Variants in LMO2 observed in about 807,000 individuals in gnomAD.
The protein encoded by LMO2 is rhombotin-2.
LMO2 carries 20 observed loss-of-function variants against 23.2 expected under a neutral mutation model. The ratio of observed to expected loss-of-function variants is 0.86; its 90% CI spans 0.61 to 1.25. The LOEUF (loss-of-function observed/expected upper bound fraction) is 1.25, where lower values mean the gene tolerates loss of function less well. Ranked by LOEUF, LMO2 falls within the 50% of genes most tolerant of loss-of-function variation. LMO2 has a pLI of 0.00. For missense variants in LMO2, 270 were observed against 315.3 expected (o/e 0.86, Z 1.09); for synonymous variants, 123 against 130.2 (o/e 0.94, Z 0.38).
In LMO2 at chr11:33,874,869, T is replaced by A. The variant is rs112533115; in HGVS notation, c.-271-4882A>T. 8.4e-3 allele frequency among the ~76,000 whole-genome samples: 1,287 copies of A among 152,346 alleles called. 20 individuals carry two copies. The highest frequency in any genetic ancestry group is 0.029 in the African/African-American group (1,222 of 41,572). Reference sequence around the variant, plus strand: ...CCAACAACTTTCAAACCACCATTTATAATTTAAAAAAGAAGCCAAACAAAG... The same window carrying A: ...CCAACAACTTTCAAACCACCATTTAAAATTTAAAAAAGAAGCCAAACAAAG... On this transcript the variant is annotated intron_variant, in intron 2 of 5. Transcript: ENST00000257818.
intron 3 of LMO2, 58 bp downstream of exon 3, chr11:33,869,652 C>A: frequency 7.9e-7 from 1 of 1,259,158 alleles, no homozygotes; most frequent in Non-Finnish European, 1.0e-6. Context: ...AGGCGGGGGC[C>A]GGGGCGCGCA....
chr11:33,875,946 C>T (rs1263890663), intron 2 of LMO2, among the ~76,000 whole-genome samples: 1 of 152,208 alleles, frequency 6.6e-6, no homozygotes, highest in Non-Finnish European at 1.5e-5. Flanking sequence ...ATTATCTGGC[C>T]TCTGCTGCCC....
chr11:33,884,411 A>AG (rs1857357785), intron 1 of LMO2, among the ~76,000 whole-genome samples: 1 of 151,534 alleles, frequency 6.6e-6, no homozygotes, highest in East Asian at 1.9e-4. Context: ...GTGGGTGGTG[A>AG]GGGGTGGGGT....
intron 2 of LMO2, among the ~76,000 whole-genome samples, chr11:33,876,911 T>C (rs1367799142): frequency 6.6e-6 from 1 of 152,218 alleles, no homozygotes; most frequent in African/African-American, 2.4e-5. Flanking sequence ...AATGAAATCA[T>C]GCATGCCAAA....
intron 2 of LMO2, among the ~76,000 whole-genome samples, chr11:33,879,261 G>A (rs1488574543): frequency 6.6e-6 from 1 of 152,102 alleles, no homozygotes; most frequent in African/African-American, 2.4e-5. Context: ...TCAACAGAGT[G>A]AAAGGGCAAC....
intron 4 of LMO2, chr11:33,865,210 C>T (rs867337454): frequency 1.3e-5 from 4 of 314,426 alleles, no homozygotes; most frequent in Middle Eastern, 1.1e-3. Flanking sequence ...AACCTGGACA[C>T]CCAAGGGCAC....
At chr11:33,874,736 G>A (rs1286723334) in intron 2 of LMO2, among the ~76,000 whole-genome samples, 1 of 152,246 alleles carries the variant, frequency 6.6e-6, no homozygotes, top group Non-Finnish European at 1.5e-5. Flanking sequence ...ATGCAGGGCT[G>A]TGCCCATTTC....
chr11:33,883,871 T>C (rs912335173), intron 1 of LMO2, among the ~76,000 whole-genome samples: 1 of 152,188 alleles, frequency 6.6e-6, no homozygotes, highest in Non-Finnish European at 1.5e-5. Context: ...ATTTCAATAA[T>C]GGTTTTCTTA....
intron 1 of LMO2, among the ~76,000 whole-genome samples, chr11:33,884,384 G>A (rs1199658777): frequency 1.3e-5 from 2 of 152,124 alleles, no homozygotes; most frequent in African/African-American, 4.8e-5. Context: ...AGGTGCTGCA[G>A]AGGTGAGTGG....
chr11:33,888,813 G>A (rs1475205393), intron 1 of LMO2, among the ~76,000 whole-genome samples: 3 of 152,186 alleles, frequency 2.0e-5, no homozygotes, highest in African/African-American at 4.8e-5. Flanking sequence ...CTACGTATCC[G>A]CAGTGCCTAG....
In LMO2 at chr11:33,880,296, T is replaced by C. The variant is rs77664678; in HGVS notation, c.-272+1528A>G. Among the ~76,000 whole-genome samples the C allele has an allele frequency of 1.4e-5, 1 of 73,550 alleles. No individual in the cohort carries two copies. The highest frequency in any genetic ancestry group is 2.6e-5 in the Non-Finnish European group (1 of 37,814). 48.3% of individuals were successfully genotyped at this position (73,550 alleles called of 152,430 possible). ...CACATGATATATATCATATATATCA[T>C]ATATATACATATCATATATATACAT... On this transcript the variant is annotated intron_variant, in intron 2 of 5. Coordinates refer to ENST00000257818, the MANE Select transcript of LMO2 (RefSeq NM_005574.4). This position sits in a 1 kb window ranked among gnomAD's most constrained non-coding sequence, Gnocchi z 4.3.
intron 1 of LMO2, among the ~76,000 whole-genome samples, chr11:33,888,645 C>T (rs956846259): frequency 2.0e-5 from 3 of 152,186 alleles, no homozygotes; most frequent in African/African-American, 4.8e-5. Context: ...CCCGGGCCAG[C>T]GCATTCCATT....
chr11:33,890,119 T>C (rs1294807366), intron 1 of LMO2, among the ~76,000 whole-genome samples: 7 of 152,090 alleles, frequency 4.6e-5, no homozygotes, highest in African/African-American at 1.2e-4. Flanking sequence ...GGGTATGGAA[T>C]AATATACACT....
intron 1 of LMO2, among the ~76,000 whole-genome samples, chr11:33,891,541 C>T (rs1319865460): frequency 1.3e-5 from 2 of 152,216 alleles, no homozygotes; most frequent in African/African-American, 4.8e-5. Flanking sequence ...TAGCAACCAG[C>T]GGCTCACACA....
intron 2 of LMO2, among the ~76,000 whole-genome samples, chr11:33,876,431 G>A (rs771971924): frequency 8.6e-5 from 13 of 152,044 alleles, no homozygotes; most frequent in Non-Finnish European, 1.5e-4. Flanking sequence ...AAGAATGACT[G>A]TACAAATGGC....
At position 33,859,236 on chromosome 11, in the gene LMO2, C is replaced by T. The variant is rs1856474628; in HGVS notation, c.*120G>A. 1 of 675,528 alleles carries T rather than the reference C, an allele frequency of 1.5e-6. No individual in the cohort carries two copies. The allele number at this position is 675,528 out of a possible 1,614,324, so 41.8% of individuals were successfully genotyped here. A position where few individuals can be genotyped will look rare whatever the true frequency, so the allele number is the denominator to read the frequency against. On this transcript the variant is annotated 3_prime_UTR_variant, in exon 6 of 6. Coordinates refer to ENST00000257818, the MANE Select transcript of LMO2 (RefSeq NM_005574.4). Reference sequence around the variant, plus strand: ...TTGATACCCAATAAAGGTCTACCATCCCCTAAGAAATCCCTTACCCCACCC... The same window carrying T: ...TTGATACCCAATAAAGGTCTACCATTCCCTAAGAAATCCCTTACCCCACCC...
intron 4 of LMO2, among the ~76,000 whole-genome samples, chr11:33,868,745 G>A (rs1178396547): frequency 1.3e-5 from 2 of 152,304 alleles, no homozygotes; most frequent in East Asian, 1.9e-4. Context: ...CCGAGGAGGG[G>A]TACACCTACT....
chr11:33,863,259 A>C (rs1387775159), intron 5 of LMO2, among the ~76,000 whole-genome samples: 6 of 152,232 alleles, frequency 3.9e-5, no homozygotes, highest in African/African-American at 2.4e-5. Flanking sequence ...CAAAATTATA[A>C]GCATGATCAT....
chr11:33,871,537 C>A (rs1245141157), intron 2 of LMO2, among the ~76,000 whole-genome samples: 7 of 124,856 alleles, frequency 5.6e-5, no homozygotes, highest in African/African-American at 2.2e-4. Context: ...CATTGCCCCC[C>A]AGTCTGGGGA....
Sources: gnomAD v4.1 joint callset for allele counts (sites outside exome capture counted in the v4.1 genomes callset) on GRCh38, gnomAD v4.1.1 for gene constraint, Gnocchi (gnomAD v3.1) non-coding constraint, MANE v1.5 for transcripts, NCBI Gene and HGNC (gene_info 2026-07-23, HGNC 2026-07-21) for gene names.